Variants in CSGALNACT1 observed in about 807,000 individuals in gnomAD.
CSGALNACT1 encodes beta4GalNAcT-1.
CSGALNACT1 carries 52 observed loss-of-function variants against 51.0 expected under a neutral mutation model. That is an observed-to-expected ratio of 1.02 (90% CI 0.82 to 1.29). The LOEUF is 1.29. CSGALNACT1 is among the 50% of genes most tolerant of loss of function. The pLI, the probability that CSGALNACT1 is intolerant of heterozygous loss-of-function variation, is 0.00. For synonymous variants in CSGALNACT1, 341 were observed against 254.4 expected, an observed-to-expected ratio of 1.34 and a Z score of -3.24; for missense variants, 935 against 679.2, an observed-to-expected ratio of 1.38 and a Z score of -4.19.
chr8:19,674,705 G>C (rs1025507272), intron 1 of CSGALNACT1, among the ~76,000 whole-genome samples: 2 of 152,142 alleles, frequency 1.3e-5, no homozygotes, highest in Non-Finnish European at 2.9e-5. Context: ...CTTACCGTGA[G>C]GTGAAGAATA....
intron 6 of CSGALNACT1, among the ~76,000 whole-genome samples, chr8:19,425,753 C>G (rs899122468): frequency 6.6e-6 from 1 of 152,186 alleles, no homozygotes; most frequent in Non-Finnish European, 1.5e-5. Context: ...CCCTCAGTCT[C>G]TTTTTGGTTT....
chr8:19,429,417 T>A (rs1289118457), intron 6 of CSGALNACT1, among the ~76,000 whole-genome samples: 4 of 152,086 alleles, frequency 2.6e-5, no homozygotes, highest in Non-Finnish European at 4.4e-5. Flanking sequence ...CCTCAGGTGA[T>A]CTGCCTGCCT....
At chr8:19,470,448 G>A (rs6984449) in intron 4 of CSGALNACT1, among the ~76,000 whole-genome samples, 84,979 of 151,918 alleles carry the variant, frequency 0.56, 24,684 homozygotes, top group East Asian at 0.86. Flanking sequence ...ATCAGCACGC[G>A]CATTCAGTGA....
rs144709767 is a variant in CSGALNACT1 at position 19,505,664 on chromosome 8, G to A, written c.171C>T (p.Tyr57=). ...CCTCCCACTCCTGAAGGACGGCCTG[G>A]TACCCCTCCTTCCCCGTGGGGCTGT... is the stretch of plus-strand genomic sequence containing the variant. Residue 57 remains tyrosine, a synonymous_variant, in exon 4 of 10, where the codon TAC becomes TAT. Transcript: ENST00000454498. 2.5e-6 allele frequency: 4 copies of A among 1,614,176 alleles called. No individual in the cohort carries two copies. Among genetic ancestry groups the A allele is most frequent in the Non-Finnish European group, 3.4e-6 (4 of 1,180,030 alleles).
chr8:19,737,875 C>G (rs2064081740), intron 1 of CSGALNACT1, among the ~76,000 whole-genome samples: 1 of 152,074 alleles, frequency 6.6e-6, no homozygotes, highest in Admixed American at 6.5e-5. Flanking sequence ...AGTAGAATGC[C>G]AGGGGCTAGG....
intron 6 of CSGALNACT1, among the ~76,000 whole-genome samples, chr8:19,438,961 T>A (rs1378375227): frequency 6.6e-6 from 1 of 152,220 alleles, no homozygotes; most frequent in Admixed American, 6.5e-5. Flanking sequence ...ACTGTTTATA[T>A]CTAAATGATA....
chr8:19,557,959 A>T (rs1028804946), intron 3 of CSGALNACT1, among the ~76,000 whole-genome samples: 1 of 152,204 alleles, frequency 6.6e-6, no homozygotes. Context: ...CTAACAAAAG[A>T]CATGTAAAAA....
At chr8:19,578,062 G>A (rs1400075216) in intron 3 of CSGALNACT1, among the ~76,000 whole-genome samples, 2 of 152,190 alleles carry the variant, frequency 1.3e-5, no homozygotes, top group Non-Finnish European at 2.9e-5. Context: ...CAGCAGATGG[G>A]CTGGAACATG....
chr8:19,538,329 G>T (rs1378687507), intron 3 of CSGALNACT1, among the ~76,000 whole-genome samples: 2 of 151,588 alleles, frequency 1.3e-5, no homozygotes, highest in Non-Finnish European at 2.9e-5. Flanking sequence ...TCTGAAAAGG[G>T]AAAAATAAAA....
intron 1 of CSGALNACT1, among the ~76,000 whole-genome samples, chr8:19,669,964 G>A (rs1222588042): frequency 6.6e-6 from 1 of 152,014 alleles, no homozygotes; most frequent in Non-Finnish European, 1.5e-5. Context: ...CCCTCAAAAT[G>A]CCTCCTTTCC....
chr8:19,479,142 A>G (rs2070648353), intron 4 of CSGALNACT1, among the ~76,000 whole-genome samples: 1 of 152,376 alleles, frequency 6.6e-6, no homozygotes, highest in African/African-American at 2.4e-5. Flanking sequence ...AGGAGAAAAT[A>G]CAATTCAGAG....
chr8:19,557,317 A>G lies in CSGALNACT1; in HGVS notation c.-297+33843T>C, dbSNP rs996286504. 3.3e-5 allele frequency among the ~76,000 whole-genome samples: 5 copies of G among 152,270 alleles called. 1 individual carries two copies. Among genetic ancestry groups the G allele is most frequent in the Admixed American group, 2.0e-4 (3 of 15,300 alleles). ...CTCCTCACTACTATTCCTCTTTTCT[A>G]TATTTGTCTCTCTTCAGACTATTAT... On this transcript the variant is annotated intron_variant, in intron 3 of 9. Transcript: ENST00000454498.
chr8:19,417,599 C>T (rs2057137274), intron 8 of CSGALNACT1, among the ~76,000 whole-genome samples: 1 of 152,208 alleles, frequency 6.6e-6, no homozygotes. Context: ...TTCAGGTTCC[C>T]ACAGCAGATG....
intron 6 of CSGALNACT1, among the ~76,000 whole-genome samples, chr8:19,427,245 C>T (rs931298843): frequency 4.6e-4 from 70 of 152,188 alleles, no homozygotes; most frequent in African/African-American, 1.7e-3. Flanking sequence ...AGCAAATGAA[C>T]ATCTCTGAAT....
intron 1 of CSGALNACT1, among the ~76,000 whole-genome samples, chr8:19,730,562 A>G (rs995569017): frequency 6.6e-6 from 1 of 152,204 alleles, no homozygotes; most frequent in Non-Finnish European, 1.5e-5. Flanking sequence ...ATGTAAGGTG[A>G]ACCCACCGGA....
intron 3 of CSGALNACT1, among the ~76,000 whole-genome samples, chr8:19,573,919 G>A (rs934692547): frequency 9.9e-5 from 15 of 152,152 alleles, no homozygotes; most frequent in African/African-American, 3.6e-4. Flanking sequence ...CTTTGGGCCT[G>A]GCAGATACTT....
intron 3 of CSGALNACT1, among the ~76,000 whole-genome samples, chr8:19,587,345 A>G (rs981925715): frequency 6.6e-6 from 1 of 152,204 alleles, no homozygotes; most frequent in African/African-American, 2.4e-5. Context: ...ACTTGGAATC[A>G]GATTTTCCCC....
At chr8:19,534,569 A>T (rs2083391716) in intron 3 of CSGALNACT1, among the ~76,000 whole-genome samples, 1 of 152,298 alleles carries the variant, frequency 6.6e-6, no homozygotes, top group Non-Finnish European at 1.5e-5. Context: ...AAAACACACC[A>T]ATCATGACCC....
intron 2 of CSGALNACT1, among the ~76,000 whole-genome samples, chr8:19,593,395 G>A (rs1314572772): frequency 6.6e-6 from 1 of 152,190 alleles, no homozygotes; most frequent in Non-Finnish European, 1.5e-5. Context: ...TCATTTTGTG[G>A]TCCTCCTGGG....
Sources: allele counts gnomAD v4.1 joint callset (sites outside exome capture counted in the v4.1 genomes callset), GRCh38; gene constraint gnomAD v4.1.1; transcripts MANE v1.5; gene names NCBI Gene and HGNC (gene_info 2026-07-23, HGNC 2026-07-21).